TAFA4: variants seen among roughly 807,000 people sequenced by gnomAD.
The protein encoded by TAFA4 is TAFA chemokine like family member 4.
Under a neutral mutation model 21.1 loss-of-function variants are expected in TAFA4, and 20 were observed. The observed-to-expected ratio is 0.95, with a 90% CI of 0.67 to 1.38. The LOEUF (loss-of-function observed/expected upper bound fraction) is 1.38, where lower values mean the gene tolerates loss of function less well. Among genes scored for constraint, TAFA4 ranks in the 40% most tolerant of loss-of-function variants. TAFA4 has a pLI of 0.00. For synonymous variants in TAFA4, 71 were observed against 67.4 expected (o/e 1.05, Z -0.26); for missense variants, 211 against 180.9 (o/e 1.17, Z -0.95).
At chr3:68,916,830 T>C (rs2090008737) in intron 1 of TAFA4, among the ~76,000 whole-genome samples, 2 of 152,064 alleles carry the variant, frequency 1.3e-5, no homozygotes, top group Admixed American at 6.5e-5. Context: ...TTCCAGGACT[T>C]AGAAAGGAGG....
intron 3 of TAFA4, among the ~76,000 whole-genome samples, chr3:68,878,054 T>C (rs1360791429): frequency 6.6e-6 from 1 of 152,172 alleles, no homozygotes; most frequent in Non-Finnish European, 1.5e-5. Flanking sequence ...AGGTTTGACT[T>C]TAGACCCCCC....
At chr3:68,779,211 A>G (rs560563089) in intron 3 of TAFA4, among the ~76,000 whole-genome samples, 2 of 152,328 alleles carry the variant, frequency 1.3e-5, no homozygotes, top group East Asian at 3.9e-4. Context: ...GCAAAGCATT[A>G]AGGAGGTGAC....
intron 1 of TAFA4, among the ~76,000 whole-genome samples, chr3:68,915,863 ATGAAG>A (rs1575671649): frequency 2.0e-5 from 3 of 152,332 alleles, no homozygotes; most frequent in South Asian, 2.1e-4. Flanking sequence ...TAAGATACAT[ATGAAG>A]TGAAGAAAAA....
intron 3 of TAFA4, among the ~76,000 whole-genome samples, chr3:68,809,634 C>T (rs558350309): frequency 6.6e-6 from 1 of 151,142 alleles, no homozygotes; most frequent in East Asian, 2.0e-4. Flanking sequence ...AAAATTATTG[C>T]CCAGATCAGT....
intron 3 of TAFA4, among the ~76,000 whole-genome samples, chr3:68,809,230 G>C (rs1703775162): frequency 6.6e-6 from 1 of 152,136 alleles, no homozygotes; most frequent in Non-Finnish European, 1.5e-5. Context: ...TGATAGAAGT[G>C]AGCTTACACA....
chr3:68,845,932 C>A (rs1349174859), intron 3 of TAFA4, among the ~76,000 whole-genome samples: 1 of 152,188 alleles, frequency 6.6e-6, no homozygotes, highest in East Asian at 1.9e-4. Context: ...ACCTTTCTCT[C>A]TGGATGCTCT....
chr3:68,877,820 T>C (rs1271455782), intron 3 of TAFA4, among the ~76,000 whole-genome samples: 1 of 152,196 alleles, frequency 6.6e-6, no homozygotes, highest in Non-Finnish European at 1.5e-5. Context: ...ATGCGAACCT[T>C]TCCACACTCA....
At chr3:68,868,518 C>G (rs559510544) in intron 3 of TAFA4, among the ~76,000 whole-genome samples, 7 of 151,940 alleles carry the variant, frequency 4.6e-5, no homozygotes, top group African/African-American at 1.4e-4. Context: ...CAAGTCTCAA[C>G]AAATTCAAAA....
intron 3 of TAFA4, among the ~76,000 whole-genome samples, chr3:68,868,826 T>G (rs6549155): frequency 0.99 from 150,438 of 152,016 alleles, 74,469 homozygotes; most frequent in Middle Eastern, 1. Context: ...TACATCTCAG[T>G]AAACTAGAAG....
At chr3:68,843,305 G>A (rs547493877) in intron 3 of TAFA4, among the ~76,000 whole-genome samples, 5 of 152,298 alleles carry the variant, frequency 3.3e-5, no homozygotes, top group African/African-American at 9.6e-5. Flanking sequence ...GTGAATGGGA[G>A]TTCACTCATG....
chr3:68,897,760 T>G (rs1179610226), intron 1 of TAFA4, among the ~76,000 whole-genome samples: 1 of 152,092 alleles, frequency 6.6e-6, no homozygotes, highest in Non-Finnish European at 1.5e-5. Context: ...CACTAACCGG[T>G]CCAAAGTTCA....
intron 1 of TAFA4, among the ~76,000 whole-genome samples, chr3:68,903,869 T>C (rs1389599896): frequency 6.6e-6 from 1 of 152,124 alleles, no homozygotes; most frequent in African/African-American, 2.4e-5. Context: ...GTGACAAAAC[T>C]ATACCTTTGA....
intron 3 of TAFA4, among the ~76,000 whole-genome samples, chr3:68,766,294 A>G (rs1359276539): frequency 6.6e-6 from 1 of 152,168 alleles, no homozygotes; most frequent in African/African-American, 2.4e-5. Flanking sequence ...ATATAATCTC[A>G]TTAAGTCTTT....
At chr3:68,889,350 T>G (rs972362686) in intron 1 of TAFA4, among the ~76,000 whole-genome samples, 3 of 152,208 alleles carry the variant, frequency 2.0e-5, no homozygotes, top group Admixed American at 2.0e-4. Context: ...ATTCTTCAAA[T>G]GTTTAATTTA....
intron 3 of TAFA4, among the ~76,000 whole-genome samples, chr3:68,768,758 C>T (rs1420838284): frequency 6.6e-6 from 1 of 152,072 alleles, no homozygotes. Flanking sequence ...ACTATCGGGT[C>T]ATTTAAAAAA....
chr3:68,880,927 G>A (rs1238167605), intron 2 of TAFA4, 82 bp from the exon 3 acceptor site: 8 of 1,031,746 alleles, frequency 7.8e-6, no homozygotes, highest in Non-Finnish European at 1.2e-5. Context: ...GAAGGCGGGA[G>A]AAAGCAGGGG....
chr3:68,746,951 G>A (rs1039453991), intron 4 of TAFA4, among the ~76,000 whole-genome samples: 5 of 152,044 alleles, frequency 3.3e-5, no homozygotes, highest in Non-Finnish European at 5.9e-5. Flanking sequence ...CAGCACTTCC[G>A]GCCTCTACAT....
At chr3:68,756,886 C>T (rs1702669553) in intron 3 of TAFA4, among the ~76,000 whole-genome samples, 1 of 152,112 alleles carries the variant, frequency 6.6e-6, no homozygotes, top group African/African-American at 2.4e-5. Flanking sequence ...GAAACTTTAG[C>T]ACTGAGTGAG....
chr3:68,766,486 AAATC>A (rs1007462143), intron 3 of TAFA4, among the ~76,000 whole-genome samples: 14 of 152,206 alleles, frequency 9.2e-5, no homozygotes, highest in Admixed American at 1.3e-4. Context: ...TATGATAAAA[AAATC>A]AATCAGACAA....
Sources: allele counts gnomAD v4.1 joint callset (sites outside exome capture counted in the v4.1 genomes callset), GRCh38; gene constraint gnomAD v4.1.1; transcripts MANE v1.5; gene names NCBI Gene and HGNC (gene_info 2026-07-23, HGNC 2026-07-21).